KIF16B: variants seen among roughly 807,000 people sequenced by gnomAD.
The protein encoded by KIF16B is kinesin family member 16B.
A neutral mutation model predicts 156.3 loss-of-function variants in KIF16B; 98 were observed. The ratio of observed to expected loss-of-function variants is 0.63; its 90% CI spans 0.53 to 0.74. The LOEUF is 0.74. Among genes scored for constraint, KIF16B ranks in the 30% least tolerant of loss-of-function variants. The pLI is 0.00. For synonymous variants in KIF16B, 564 were observed against 583.7 expected (o/e 0.97, Z 0.49); for missense variants, 1,421 against 1,606.5 (o/e 0.88, Z 1.97).
chr20:16,363,303 AG>A (rs1207721313), intron 22 of KIF16B, among the ~76,000 whole-genome samples: 2 of 152,172 alleles, frequency 1.3e-5, no homozygotes, highest in East Asian at 3.9e-4. Flanking sequence ...CAGAGGTAGA[AG>A]GCAATCAGCC....
At chr20:16,386,311 G>T (rs769818840) in intron 17 of KIF16B, among the ~76,000 whole-genome samples, 1 of 152,178 alleles carries the variant, frequency 6.6e-6, no homozygotes, top group Admixed American at 6.5e-5. Flanking sequence ...AGAGGGAAGA[G>T]GGTATCTAAA....
At chr20:16,515,271 G>A (rs1270699356) in intron 4 of KIF16B, among the ~76,000 whole-genome samples, 1 of 152,012 alleles carries the variant, frequency 6.6e-6, no homozygotes, top group African/African-American at 2.4e-5. Flanking sequence ...TTACTTACGG[G>A]CCCAACACAC....
At chr20:16,370,036 A>G (rs991718127) in intron 22 of KIF16B, among the ~76,000 whole-genome samples, 9 of 152,160 alleles carry the variant, frequency 5.9e-5, no homozygotes, top group Non-Finnish European at 1.3e-4. Context: ...CCATCTGGAA[A>G]ATTTCCATCA....
In KIF16B at chr20:16,272,185, GAATT is replaced by G. The variant is rs2062995073; in HGVS notation, c.*1064_*1067del. The G allele has an allele frequency of 6.6e-6, 1 of 152,502 alleles. No homozygotes were observed. Among genetic ancestry groups the G allele is most frequent in the Non-Finnish European group, 1.5e-5 (1 of 68,018 alleles). 9.4% of individuals were successfully genotyped at this position (152,502 alleles called of 1,614,324 possible). A position where few individuals can be genotyped will look rare whatever the true frequency, so the allele number is the denominator to read the frequency against. On this transcript the variant is annotated 3_prime_UTR_variant, in exon 26 of 26. Coordinates refer to ENST00000354981, the MANE Select transcript of KIF16B (RefSeq NM_024704.5). ...CAAATACATTTAATAAAATTGGTGT[GAATT>G]ATTACATATTTTGATGGAACTACTG...
At chr20:16,313,314 C>T (rs998521011) in intron 24 of KIF16B, among the ~76,000 whole-genome samples, 5 of 152,272 alleles carry the variant, frequency 3.3e-5, no homozygotes, top group African/African-American at 7.2e-5. Flanking sequence ...CAATATGTCA[C>T]AAAATTCCAA....
In KIF16B at chr20:16,395,821, C is replaced by T. The variant is rs73898708; in HGVS notation, c.1784+8992G>A. On this transcript the variant is annotated intron_variant, in intron 17 of 25. Coordinates refer to ENST00000354981, the MANE Select transcript of KIF16B (RefSeq NM_024704.5). ...TGTAATTATATCGACACATTCAACA[C>T]TCTAAGGAGGCCCATTTTCAGCTTG... Among the ~76,000 whole-genome samples the T allele has an allele frequency of 9.6e-3, 1,462 of 152,066 alleles. 10 individuals are homozygous for T. Among genetic ancestry groups the T allele is most frequent in the Middle Eastern group, 0.051 (15 of 294 alleles).
chr20:16,347,293 T>C (rs1271944223), intron 23 of KIF16B, among the ~76,000 whole-genome samples: 1 of 152,212 alleles, frequency 6.6e-6, no homozygotes, highest in African/African-American at 2.4e-5. Context: ...ACAAATTTTA[T>C]TCTAGGAAGA....
chr20:16,553,129 G>A (rs2070727014), intron 1 of KIF16B, among the ~76,000 whole-genome samples: 1 of 152,142 alleles, frequency 6.6e-6, no homozygotes, highest in Non-Finnish European at 1.5e-5. Context: ...CCCATCTGAA[G>A]TTTCAGCCAT....
At chr20:16,494,240 T>A (rs758726082) in intron 12 of KIF16B, 51 bp downstream of exon 12, 3 of 1,132,970 alleles carry the variant, frequency 2.6e-6, no homozygotes, top group Non-Finnish European at 3.9e-6. Flanking sequence ...AAAAAAGTTT[T>A]ACCAGTTTAA....
In KIF16B at chr20:16,361,428, G is replaced by A. The variant is rs117253243; in HGVS notation, c.3499-4976C>T. On this transcript the variant is annotated intron_variant, in intron 22 of 25. Coordinates refer to ENST00000354981, the MANE Select transcript of KIF16B (RefSeq NM_024704.5). ...CCAGACAGGTTCCTATCCATTTCCA[G>A]TAGAGAAGCCTGCCTTTGCTATGAG... Among the ~76,000 whole-genome samples, 383 of 152,296 alleles carry A rather than the reference G, an allele frequency of 2.5e-3. 1 individual carries two copies. Among genetic ancestry groups the A allele is most frequent in the Non-Finnish European group, 4.7e-3 (320 of 68,024 alleles).
At chr20:16,442,916 G>A (rs978286053) in intron 12 of KIF16B, among the ~76,000 whole-genome samples, 1 of 152,166 alleles carries the variant, frequency 6.6e-6, no homozygotes, top group Admixed American at 6.5e-5. Context: ...TCTGAAAGAC[G>A]TACACTGCCC....
At position 16,381,719 on chromosome 20, in the gene KIF16B, C is replaced by A. The variant is rs1390892398; in HGVS notation, c.1813G>T (p.Glu605Ter). ...CTTTTACTTTCTAATTTTTCAAGTT[C>A]TTCACGCTGTTGCCTCTCAAATTCA... ...GLEFERQQREELEKLESKRKL... is the reference protein window; with the variant it reads ...GLEFERQQRE Residue 605 changes from glutamate to a stop codon, truncating the protein, a stop_gained, in exon 18 of 26, where the codon GAA (glutamate) becomes TAA (stop). Coordinates refer to ENST00000354981, the MANE Select transcript of KIF16B (RefSeq NM_024704.5). LOFTEE classifies it high-confidence loss of function. 3.1e-6 allele frequency: 5 copies of A among 1,612,196 alleles called. No homozygotes were observed. Among genetic ancestry groups the A allele is most frequent in the Admixed American group, 3.3e-5 (2 of 59,904 alleles).
At chr20:16,556,045 C>G (rs2070836624) in intron 1 of KIF16B, among the ~76,000 whole-genome samples, 1 of 152,182 alleles carries the variant, frequency 6.6e-6, no homozygotes, top group Admixed American at 6.5e-5. Context: ...CCCTCCTTTA[C>G]CATCCTCCCC....
chr20:16,434,493 C>A (rs2066590169), intron 12 of KIF16B, among the ~76,000 whole-genome samples: 1 of 83,906 alleles, frequency 1.2e-5, no homozygotes, highest in Admixed American at 1.5e-4. Flanking sequence ...AACTTACCAA[C>A]AACAAAAATC....
At chr20:16,298,981 A>G (rs1383131056) in intron 25 of KIF16B, among the ~76,000 whole-genome samples, 2 of 152,198 alleles carry the variant, frequency 1.3e-5, no homozygotes, top group Non-Finnish European at 2.9e-5. Flanking sequence ...GCTATGTGTA[A>G]ATATGTTGGT....
At chr20:16,440,588 T>G in intron 12 of KIF16B, among the ~76,000 whole-genome samples, 1 of 113,632 alleles carries the variant, frequency 8.8e-6, no homozygotes. Flanking sequence ...CACACACAGG[T>G]ACACATTTAG....
chr20:16,301,477 A>T (rs1016071294), intron 25 of KIF16B, among the ~76,000 whole-genome samples: 3 of 152,172 alleles, frequency 2.0e-5, no homozygotes, highest in Non-Finnish European at 2.9e-5. Flanking sequence ...CTTATTGTAC[A>T]ACCTCACCAG....
At chr20:16,282,953 C>T (rs6111011) in intron 25 of KIF16B, among the ~76,000 whole-genome samples, 1 of 152,040 alleles carries the variant, frequency 6.6e-6, no homozygotes, top group Non-Finnish European at 1.5e-5. Flanking sequence ...CCAACTTCTA[C>T]TGAAGTCTAC....
At position 16,301,951 on chromosome 20, in the gene KIF16B, CTTTTGCCTA is replaced by C. The variant is rs2063478499; in HGVS notation, c.3795+10375_3795+10383del. 2.0e-5 allele frequency among the ~76,000 whole-genome samples: 3 copies of C among 152,072 alleles called. No homozygotes were observed. In the South Asian group the frequency reaches 6.2e-4, roughly 32 times the overall value. ...AGGCGTGAGCCACCATGCTTGGCCT[CTTTTGCCTA>C]TTTTTAATGAGGTTGTTTGTGTTCT... On this transcript the variant is annotated intron_variant, in intron 25 of 25. Coordinates refer to ENST00000354981, the MANE Select transcript of KIF16B (RefSeq NM_024704.5).
Sources: gnomAD v4.1 joint callset for allele counts (sites outside exome capture counted in the v4.1 genomes callset) on GRCh38, gnomAD v4.1.1 for gene constraint, MANE v1.5 for transcripts, NCBI Gene and HGNC (gene_info 2026-07-23, HGNC 2026-07-21) for gene names.